Variants in MIA2 observed in about 807,000 individuals in gnomAD.
MIA2 encodes melanoma inhibitory activity protein 2.
MIA2 carries 127 observed loss-of-function variants against 167.8 expected under a neutral mutation model. The observed-to-expected ratio is 0.76, with a 90% confidence interval of 0.66 to 0.88. The LOEUF (loss-of-function observed/expected upper bound fraction) is 0.88, where lower values mean the gene tolerates loss of function less well. Among genes scored for constraint, MIA2 ranks in the 40% least tolerant of loss-of-function variants. The pLI, the probability that MIA2 is intolerant of heterozygous loss-of-function variation, is 0.00. For synonymous variants in MIA2, 552 were observed against 541.9 expected, an observed-to-expected ratio of 1.02 and a Z score of -0.26; for missense variants, 1,690 against 1,624.7, an observed-to-expected ratio of 1.04 and a Z score of -0.69.
intron 25 of MIA2, among the ~76,000 whole-genome samples, chr14:39,335,935 T>C (rs1443800937): frequency 6.6e-6 from 1 of 152,214 alleles, no homozygotes; most frequent in Non-Finnish European, 1.5e-5. Flanking sequence ...AGGACATAAT[T>C]TTATTCTTTC....
chr14:39,267,260 T>TC, intron 6 of MIA2: 1 of 1,409,380 alleles, frequency 7.1e-7, no homozygotes, highest in South Asian at 1.6e-5. Context: ...AACAAGAGGG[T>TC]CGGGATGGGC....
intron 14 of MIA2, among the ~76,000 whole-genome samples, chr14:39,301,733 A>G (rs530318604): frequency 2.0e-5 from 3 of 152,358 alleles, no homozygotes; most frequent in Non-Finnish European, 4.4e-5. Flanking sequence ...TAAATCAACT[A>G]AAAATCTACG....
chr14:39,266,921 T>C (rs952096805), intron 6 of MIA2: 23 of 653,984 alleles, frequency 3.5e-5, no homozygotes, highest in Non-Finnish European at 4.2e-5. Context: ...GCGGGTGCCC[T>C]TGGGACATAG....
At chr14:39,299,305 C>CTTTTTTTTTTTTTT (rs34424266) in intron 13 of MIA2, among the ~76,000 whole-genome samples, 7 of 95,090 alleles carry the variant, frequency 7.4e-5, no homozygotes, top group Non-Finnish European at 1.1e-4. Flanking sequence ...AATGGTATTT[C>CTTTTTTTTTTTTTT]TTTTTTTTTT....
At chr14:39,316,129 A>G (rs73277497) in intron 21 of MIA2, among the ~76,000 whole-genome samples, 2,821 of 152,344 alleles carry the variant, frequency 0.019, 97 homozygotes, top group African/African-American at 0.064. Context: ...TAAAAGTCAT[A>G]AAATTCAGTT....
At chr14:39,358,285 C>T (rs763000667) in intron 23 of MIA2, among the ~76,000 whole-genome samples, 7 of 152,122 alleles carry the variant, frequency 4.6e-5, no homozygotes, top group Admixed American at 6.5e-5. Flanking sequence ...CTTTTCTTCT[C>T]GCTTCATTTC....
intron 23 of MIA2, among the ~76,000 whole-genome samples, chr14:39,373,125 C>G (rs1024160892): frequency 1.3e-5 from 2 of 152,030 alleles, no homozygotes; most frequent in African/African-American, 4.8e-5. Context: ...CACATGTACC[C>G]TAAATACGTA....
chr14:39,331,914 CT>C (rs1465679726), intron 25 of MIA2, among the ~76,000 whole-genome samples: 1 of 152,090 alleles, frequency 6.6e-6, no homozygotes, highest in African/African-American at 2.4e-5. Context: ...GTTGCTGAAT[CT>C]GACGATTATG....
intron 23 of MIA2, among the ~76,000 whole-genome samples, chr14:39,381,679 C>CTTT (rs2075165369): frequency 9.7e-6 from 1 of 103,172 alleles, no homozygotes; most frequent in African/African-American, 3.9e-5. Context: ...TTTTTTTTTT[C>CTTT]TTTTTCTTTT....
rs1360367079 is a variant in MIA2 at position 39,382,636 on chromosome 14, C to T, written c.2249-4249C>T. Among the ~76,000 whole-genome samples the T allele has an allele frequency of 5.9e-5, 9 of 152,244 alleles. No individual in the cohort carries two copies. The South Asian group carries it at 8.3e-4, about 14-fold the overall frequency. On this transcript the variant is annotated intron_variant, in intron 23 of 23. Transcript: ENST00000341502. ...ATTTGTCTCGTGCTCAGTAATTCTGCGCTGTACACAAGATAAGGTGAACAT... is the reference window on the plus strand; with the variant it reads ...ATTTGTCTCGTGCTCAGTAATTCTGTGCTGTACACAAGATAAGGTGAACAT...
At chr14:39,262,899 C>T (rs1165040017) in intron 6 of MIA2, among the ~76,000 whole-genome samples, 1 of 152,150 alleles carries the variant, frequency 6.6e-6, no homozygotes, top group East Asian at 1.9e-4. Flanking sequence ...TGCTTATCAG[C>T]TTAAGGAGAT....
intron 9 of MIA2, among the ~76,000 whole-genome samples, chr14:39,280,732 A>AAAACAAACAAACAAAC (rs549743260): frequency 6.6e-6 from 1 of 151,574 alleles, no homozygotes; most frequent in African/African-American, 2.4e-5. Flanking sequence ...ACTCCTTCTC[A>AAAACAAACAAACAAAC]AAACAAACAA....
chr14:39,340,430 CT>C (rs2071533020), intron 25 of MIA2, among the ~76,000 whole-genome samples: 1 of 152,174 alleles, frequency 6.6e-6, no homozygotes, highest in African/African-American at 2.4e-5. Context: ...TGACTCTTTC[CT>C]TGGGAAACAA....
At chr14:39,360,663 A>G (rs991438957) in intron 23 of MIA2, among the ~76,000 whole-genome samples, 2 of 152,114 alleles carry the variant, frequency 1.3e-5, no homozygotes, top group Non-Finnish European at 2.9e-5. Context: ...TTAGTTTATT[A>G]TAGTCCCATC....
At position 39,360,586 on chromosome 14, in the gene MIA2, C is replaced by T. The variant is rs189584605; in HGVS notation, c.2248+11609C>T. Among the ~76,000 whole-genome samples, 360 of 151,956 alleles carry T rather than the reference C, an allele frequency of 2.4e-3. 2 individuals are homozygous for T. Among genetic ancestry groups the T allele is most frequent in the Non-Finnish European group, 3.7e-3 (252 of 67,958 alleles). On this transcript the variant is annotated intron_variant, in intron 23 of 23. Coordinates refer to the MIA2 transcript ENST00000341502. ...AATGAATAGTTTGCATATATTTTCT[C>T]CCATTCAACCACTTGTCTCTTAATT...
Position 39,248,157 on chromosome 14 carries a change from T to C in MIA2, c.1567+16T>C. The C allele has an allele frequency of 7.5e-7, 1 of 1,325,594 alleles. No homozygotes were observed. The highest frequency in any genetic ancestry group is 1.0e-6 in the Non-Finnish European group (1 of 996,468). The allele number at this position is 1,325,594 out of a possible 1,614,324, so 82.1% of individuals were successfully genotyped here. A position where few individuals can be genotyped will look rare whatever the true frequency, so the allele number is the denominator to read the frequency against. The stretch of plus-strand genomic sequence containing the variant: ...AGTCTGTCAGGTTGGTATGAAAATA[T>C]TTACATTAGAATTTATTTTATTTTT... On this transcript the variant is annotated intron_variant, in intron 4 of 28. Coordinates refer to ENST00000640607, the MANE Select transcript of MIA2 (RefSeq NM_001329214.4).
chr14:39,300,782 A>G (rs1318573139), intron 14 of MIA2, among the ~76,000 whole-genome samples: 2 of 151,906 alleles, frequency 1.3e-5, no homozygotes, highest in African/African-American at 2.4e-5. Context: ...AAACCTGCAC[A>G]TTGTGCACGT....
intron 9 of MIA2, among the ~76,000 whole-genome samples, chr14:39,282,589 A>C (rs531281121): frequency 5.3e-5 from 8 of 152,030 alleles, no homozygotes; most frequent in African/African-American, 1.9e-4. Flanking sequence ...CTTTTCTTTT[A>C]TTGAGACAGG....
chr14:39,348,805 T>G lies in MIA2; in HGVS notation c.3900T>G (p.Val1300=). 1 of 1,614,042 alleles carries G rather than the reference T, an allele frequency of 6.2e-7. No homozygotes were observed. ...ATGAAGCCACTGGCCCTGGCTTTGT[T>G]CCTCCACCTCTTGCTCCAATCAGAG... The part of the protein sequence containing the change: ...AENEATGPGF[V]PPPLAPIRGP... Residue 1300 remains valine, a synonymous_variant, in exon 28 of 29, where the codon GTT becomes GTG. Coordinates refer to ENST00000640607, the MANE Select transcript of MIA2 (RefSeq NM_001329214.4).
Sources: allele counts gnomAD v4.1 joint callset (sites outside exome capture counted in the v4.1 genomes callset), GRCh38; gene constraint gnomAD v4.1.1; transcripts MANE v1.5; gene names NCBI Gene and HGNC (gene_info 2026-07-23, HGNC 2026-07-21).